The following MAP3K13 variants were observed in gnomAD, a reference collection of about 807,000 sequenced individuals.
MAP3K13 encodes the protein mitogen-activated protein kinase kinase kinase 13.
In MAP3K13, 52 loss-of-function variants were observed where a neutral mutation model predicts 104.0. The observed-to-expected ratio is 0.50, with a 90% CI of 0.40 to 0.63. The LOEUF (loss-of-function observed/expected upper bound fraction) is 0.63, where lower values mean the gene tolerates loss of function less well. Among genes scored for constraint, MAP3K13 ranks in the 20% least tolerant of loss-of-function variants. MAP3K13 has a pLI of 0.00. For synonymous variants in MAP3K13, 394 were observed against 442.2 expected (o/e 0.89, Z 1.37); for missense variants, 914 against 1,218.5 (o/e 0.75, Z 3.72).
chr3:185,386,493 T>C (rs1307596942), intron 1 of MAP3K13, among the ~76,000 whole-genome samples: 2 of 152,136 alleles, frequency 1.3e-5, no homozygotes, highest in African/African-American at 4.8e-5. Flanking sequence ...ATAATGTGGC[T>C]ATTCCTAAAA....
At chr3:185,439,291 G>A (rs1043099463) in intron 3 of MAP3K13, among the ~76,000 whole-genome samples, 3 of 152,174 alleles carry the variant, frequency 2.0e-5, no homozygotes, top group Admixed American at 2.0e-4. Context: ...AATTGCTGCA[G>A]TTAATTCTAT....
At chr3:185,334,059 G>A (rs1041326904) in intron 2 of MAP3K13, among the ~76,000 whole-genome samples, 6 of 151,836 alleles carry the variant, frequency 4.0e-5, no homozygotes, top group African/African-American at 1.5e-4. Flanking sequence ...GTCTCAAAAA[G>A]AAAGAAAGAA....
intron 10 of MAP3K13, 70 bp downstream of exon 10, chr3:185,467,033 T>C: frequency 6.4e-7 from 1 of 1,566,018 alleles, no homozygotes; most frequent in Non-Finnish European, 8.8e-7. Context: ...CATTCTCACA[T>C]GATGGCGGAT....
At chr3:185,370,816 C>T (rs1417048527) in intron 1 of MAP3K13, among the ~76,000 whole-genome samples, 1 of 150,392 alleles carries the variant, frequency 6.6e-6, no homozygotes, top group Non-Finnish European at 1.5e-5. Flanking sequence ...GATGTGGCTA[C>T]CGATAATCCA....
Position 185,298,351 on chromosome 3 carries a change from A to G in MAP3K13, c.-86+12708A>G, listed in dbSNP as rs900169762. Among the ~76,000 whole-genome samples, 10 of 152,306 alleles carry G rather than the reference A, an allele frequency of 6.6e-5. No individual in the cohort carries two copies. The Middle Eastern group carries it at 0.01, about 155-fold the overall frequency. On this transcript the variant is annotated intron_variant, in intron 2 of 14. Coordinates refer to the MAP3K13 transcript ENST00000424227. ...TATGTATGTTTTAAAAAAACCATTT[A>G]TGTTCCACGTATTTCAAGGAAAGGA...
At chr3:185,337,892 A>G (rs9820970) in intron 2 of MAP3K13, among the ~76,000 whole-genome samples, 71,660 of 151,856 alleles carry the variant, frequency 0.47, 18,627 homozygotes, top group Middle Eastern at 0.65. Context: ...AAAACTCCCT[A>G]AAATAACTAG....
chr3:185,455,659 T>TCTC (rs1716600611), intron 7 of MAP3K13, among the ~76,000 whole-genome samples: 6 of 21,636 alleles, frequency 2.8e-4, no homozygotes, highest in African/African-American at 5.5e-4. Flanking sequence ...ATATATATGA[T>TCTC]ATATATATGA....
rs1352081647 is a variant in MAP3K13 at position 185,449,970 on chromosome 3, A to G, written c.1081A>G (p.Ile361Val). 1 of 1,613,842 alleles carries G rather than the reference A, an allele frequency of 6.2e-7. No homozygotes were observed. Among genetic ancestry groups the G allele is most frequent in the East Asian group, 2.2e-5 (1 of 44,840 alleles). ...TTACAAAGATGTAGATTCTTCAGCC[A>G]TTATCTGGGGTGTTGGAAGCAACAG... The part of the protein sequence containing the change: ...IPYKDVDSSA[I>V]IWGVGSNSLH... The change falls in exon 6 of 14, where the codon ATT (isoleucine) becomes GTT (valine). Residue 361 changes from isoleucine to valine, a missense_variant. By Grantham distance (29) the Ile-to-Val change is conservative (BLOSUM62 3). Coordinates refer to ENST00000265026, the MANE Select transcript of MAP3K13 (RefSeq NM_004721.5).
chr3:185,471,239 G>A (rs1325244635), intron 10 of MAP3K13, among the ~76,000 whole-genome samples: 1 of 151,380 alleles, frequency 6.6e-6, no homozygotes, highest in Non-Finnish European at 1.5e-5. Flanking sequence ...GTCATTATTT[G>A]GCCCTCCAGA....
intron 7 of MAP3K13, among the ~76,000 whole-genome samples, chr3:185,458,886 A>G (rs984517583): frequency 6.6e-6 from 1 of 152,190 alleles, no homozygotes; most frequent in Non-Finnish European, 1.5e-5. Context: ...TTTCAATACA[A>G]TGTTAGATTC....
intron 2 of MAP3K13, among the ~76,000 whole-genome samples, chr3:185,351,002 A>C (rs138012480): frequency 7.9e-5 from 12 of 152,330 alleles, no homozygotes; most frequent in Non-Finnish European, 1.6e-4. Context: ...AATGTGGTAC[A>C]TGTACACCAT....
chr3:185,309,940 C>A (rs1280412710), intron 2 of MAP3K13, among the ~76,000 whole-genome samples: 1 of 152,160 alleles, frequency 6.6e-6, no homozygotes, highest in Admixed American at 6.5e-5. Flanking sequence ...CAGGGCCTAG[C>A]TAACACTGAG....
intron 2 of MAP3K13, among the ~76,000 whole-genome samples, chr3:185,314,522 G>A (rs1361332123): frequency 1.3e-5 from 2 of 151,802 alleles, no homozygotes; most frequent in South Asian, 2.1e-4. Flanking sequence ...AGGCTGAGGC[G>A]GGAGAATTGC....
chr3:185,309,742 AGG>A (rs1473343514), intron 2 of MAP3K13, among the ~76,000 whole-genome samples: 1 of 152,180 alleles, frequency 6.6e-6, no homozygotes, highest in African/African-American at 2.4e-5. Context: ...GCCTGCCCTT[AGG>A]GAAGGCACAG....
chr3:185,399,122 C>T (rs1289792499), intron 1 of MAP3K13, among the ~76,000 whole-genome samples: 4 of 151,552 alleles, frequency 2.6e-5, no homozygotes, highest in Non-Finnish European at 4.4e-5. Flanking sequence ...CAGAGGGTTT[C>T]GAAGAAAGGA....
Position 185,482,788 on chromosome 3 carries a change from GAT to G in MAP3K13, c.*334_*335del. 1 of 238,866 alleles carries G rather than the reference GAT, an allele frequency of 4.2e-6. No homozygotes were observed. Among genetic ancestry groups the G allele is most frequent in the Non-Finnish European group, 8.1e-6 (1 of 123,516 alleles). The allele number at this position is 238,866 out of a possible 1,614,324, so 14.8% of individuals were successfully genotyped here. A position where few individuals can be genotyped will look rare whatever the true frequency, so the allele number is the denominator to read the frequency against. ...ACTGCAAAGAGTGAACTATATATGA[GAT>G]AGAGAGACAATAATTTCTTGCAAAA... is the stretch of plus-strand genomic sequence containing the variant. On this transcript the variant is annotated 3_prime_UTR_variant, in exon 14 of 14. Transcript: ENST00000265026. The surrounding 1 kb of genome is among the most constrained non-coding windows in gnomAD (Gnocchi z 4.5).
chr3:185,488,145 GT>G lies in MAP3K13; in HGVS notation c.*5691del. On this transcript the variant is annotated 3_prime_UTR_variant, in exon 14 of 14. Coordinates refer to ENST00000265026, the MANE Select transcript of MAP3K13 (RefSeq NM_004721.5). ...AAACAGAAAATTAATATAAGTCCCA[GT>G]TACTTGCTTCTTAGACTCTGTGAGA... 6.6e-6 allele frequency: 1 copy of G among 152,180 alleles called. No individual in the cohort carries two copies. Among genetic ancestry groups the G allele is most frequent in the Non-Finnish European group, 1.5e-5 (1 of 68,038 alleles). 9.4% of individuals were successfully genotyped at this position (152,180 alleles called of 1,614,324 possible).
chr3:185,298,636 G>A (rs550012933), intron 2 of MAP3K13, among the ~76,000 whole-genome samples: 97 of 152,194 alleles, frequency 6.4e-4, no homozygotes, highest in African/African-American at 2.2e-3. Context: ...GATGAGTAAC[G>A]GGAGAAAACC....
rs770601770 is a variant in MAP3K13 at position 185,482,329 on chromosome 3, A to AT, written c.2800-24dup. ...ATTTACTGAGTGATTATCGAAATGA[A>AT]TTAAGGTTTTGTCTTGCCTTTGCAG... On this transcript the variant is annotated intron_variant, in intron 13 of 13. Coordinates refer to ENST00000265026, the MANE Select transcript of MAP3K13 (RefSeq NM_004721.5). This position sits in a 1 kb window ranked among gnomAD's most constrained non-coding sequence, Gnocchi z 4.5. 5 of 1,508,172 alleles carry AT rather than the reference A, an allele frequency of 3.3e-6. No homozygotes were observed. The Admixed American group carries it at 8.4e-5, about 25-fold the overall frequency. The allele number at this position is 1,508,172 out of a possible 1,614,324, so 93.4% of individuals were successfully genotyped here.
Sources: allele counts gnomAD v4.1 joint callset (sites outside exome capture counted in the v4.1 genomes callset), GRCh38; gene constraint gnomAD v4.1.1; non-coding constraint Gnocchi (gnomAD v3.1); transcripts MANE v1.5; gene names NCBI Gene and HGNC (gene_info 2026-07-23, HGNC 2026-07-21).